WWOX: variants seen among roughly 807,000 people sequenced by gnomAD.
The protein encoded by WWOX is WW domain containing oxidoreductase.
A neutral mutation model predicts 46.2 loss-of-function variants in WWOX; 69 were observed. That is an observed-to-expected ratio of 1.49 (90% CI 1.23 to 1.82). WWOX has a LOEUF of 1.82. Among genes scored for constraint, WWOX ranks in the 40% most tolerant of loss-of-function variants. WWOX has a pLI of 0.00. For missense variants in WWOX, 919 were observed against 542.6 expected, an observed-to-expected ratio of 1.69 and a Z score of -6.89; for synonymous variants, 359 against 202.6, an observed-to-expected ratio of 1.77 and a Z score of -6.56.
chr16:79,119,869 G>A (rs951058056), intron 8 of WWOX, among the ~76,000 whole-genome samples: 12 of 152,198 alleles, frequency 7.9e-5, no homozygotes, highest in African/African-American at 2.9e-4. Context: ...GGTTTTATTA[G>A]GGGTTTACCT....
intron 8 of WWOX, among the ~76,000 whole-genome samples, chr16:78,436,288 G>A (rs1200804062): frequency 1.3e-5 from 2 of 152,206 alleles, no homozygotes; most frequent in East Asian, 3.9e-4. Context: ...GACTCAGGGA[G>A]AGGTTTACTG....
chr16:78,483,062 C>G (rs1048051574), intron 8 of WWOX, among the ~76,000 whole-genome samples: 1 of 152,178 alleles, frequency 6.6e-6, no homozygotes, highest in Non-Finnish European at 1.5e-5. Context: ...GCCTCTTCAA[C>G]CTACCTTTTG....
chr16:78,256,786 C>T (rs534110388), intron 5 of WWOX, among the ~76,000 whole-genome samples: 27 of 152,196 alleles, frequency 1.8e-4, no homozygotes, highest in East Asian at 9.7e-4. Flanking sequence ...TTGCCTCAGA[C>T]GCCCCCCTTT....
intron 5 of WWOX, among the ~76,000 whole-genome samples, chr16:78,243,073 C>G (rs1474279686): frequency 6.6e-6 from 1 of 152,154 alleles, no homozygotes; most frequent in African/African-American, 2.4e-5. Flanking sequence ...CTAGCCTCCT[C>G]TCACCCAGGT....
At chr16:79,191,304 C>T (rs184920145) in intron 8 of WWOX, among the ~76,000 whole-genome samples, 119 of 152,294 alleles carry the variant, frequency 7.8e-4, no homozygotes, top group African/African-American at 2.8e-3. Flanking sequence ...AATCTGCCCG[C>T]CTCTGCCTCC....
chr16:78,840,271 A>T (rs2052102498), intron 8 of WWOX, among the ~76,000 whole-genome samples: 1 of 152,184 alleles, frequency 6.6e-6, no homozygotes, highest in South Asian at 2.1e-4. Flanking sequence ...CAAAATCCTG[A>T]ACCTCTCTGT....
chr16:78,636,213 G>A (rs1327130129), intron 8 of WWOX, among the ~76,000 whole-genome samples: 1 of 152,180 alleles, frequency 6.6e-6, no homozygotes, highest in African/African-American at 2.4e-5. Context: ...TTAGAGACCA[G>A]GTTAAAGCTT....
intron 8 of WWOX, chr16:78,890,378 A>T (rs931662387): frequency 6.6e-6 from 1 of 152,180 alleles, no homozygotes; most frequent in Non-Finnish European, 1.5e-5. Context: ...CTTAAATTTG[A>T]CCTCCATCAT....
At chr16:78,258,881 A>G (rs1164841474) in intron 5 of WWOX, among the ~76,000 whole-genome samples, 1 of 151,880 alleles carries the variant, frequency 6.6e-6, no homozygotes, top group Non-Finnish European at 1.5e-5. Flanking sequence ...TCATTATCAC[A>G]CTCCACAAAT....
In WWOX at chr16:78,354,098, T is replaced by A. The variant is rs2081236645; in HGVS notation, c.517-32762T>A. Among the ~76,000 whole-genome samples, 2 of 152,216 alleles carry A rather than the reference T, an allele frequency of 1.3e-5. 1 individual carries two copies. The highest frequency in any genetic ancestry group is 2.9e-5 in the Non-Finnish European group (2 of 68,046). ...ATTCCTGGATGTTTTCCAGAAAGGC[T>A]GTTTGCAGTAGTTCCAGTGGGTTCA... On this transcript the variant is annotated intron_variant, in intron 5 of 8. Coordinates refer to ENST00000566780, the MANE Select transcript of WWOX (RefSeq NM_016373.4).
At chr16:79,206,417 T>C (rs112288902) in intron 8 of WWOX, 1 of 152,170 alleles carries the variant, frequency 6.6e-6, no homozygotes, top group African/African-American at 2.4e-5. Context: ...TTTGGACGAG[T>C]TGCTTTTGAT....
chr16:78,861,192 T>C (rs2043878117), intron 8 of WWOX, among the ~76,000 whole-genome samples: 1 of 152,130 alleles, frequency 6.6e-6, no homozygotes, highest in Admixed American at 6.6e-5. Context: ...CTTTCCTTTT[T>C]TCCTTCTCTG....
At chr16:78,217,536 C>G (rs982081494) in intron 5 of WWOX, among the ~76,000 whole-genome samples, 1 of 152,204 alleles carries the variant, frequency 6.6e-6, no homozygotes. Context: ...GTGATCCTGC[C>G]GATGAGATGA....
chr16:78,902,630 C>A (rs13338111), intron 8 of WWOX, among the ~76,000 whole-genome samples: 2 of 152,164 alleles, frequency 1.3e-5, no homozygotes, highest in African/African-American at 4.8e-5. Flanking sequence ...TTGGCTGCAA[C>A]GCTTTTACCA....
chr16:78,947,101 G>GAA (rs368991628), intron 8 of WWOX, among the ~76,000 whole-genome samples: 11 of 134,874 alleles, frequency 8.2e-5, no homozygotes, highest in African/African-American at 2.7e-4. Flanking sequence ...AATCCCTGTG[G>GAA]AAAAAAAAAA....
chr16:78,584,676 C>A (rs755405905), intron 8 of WWOX, among the ~76,000 whole-genome samples: 1 of 152,104 alleles, frequency 6.6e-6, no homozygotes, highest in Non-Finnish European at 1.5e-5. Flanking sequence ...GAAAAGCAGG[C>A]AGGAATTTTC....
At chr16:78,732,052 A>C (rs565703506) in intron 8 of WWOX, among the ~76,000 whole-genome samples, 1 of 151,926 alleles carries the variant, frequency 6.6e-6, no homozygotes, top group East Asian at 1.9e-4. Flanking sequence ...TTTGTAGAGA[A>C]AGGGTCTTGC....
chr16:79,190,315 G>A (rs531186174), intron 8 of WWOX, among the ~76,000 whole-genome samples: 20 of 152,184 alleles, frequency 1.3e-4, no homozygotes, highest in African/African-American at 3.6e-4. Context: ...GTGAGCCACC[G>A]TGCCCGGCCT....
chr16:78,513,413 A>C (rs1455071929), intron 8 of WWOX, among the ~76,000 whole-genome samples: 2 of 152,212 alleles, frequency 1.3e-5, no homozygotes, highest in African/African-American at 2.4e-5. Flanking sequence ...TGGGGGAATC[A>C]GTGAGGCTAG....
Sources: gnomAD v4.1 joint callset for allele counts (sites outside exome capture counted in the v4.1 genomes callset) on GRCh38, gnomAD v4.1.1 for gene constraint, MANE v1.5 for transcripts, NCBI Gene and HGNC (gene_info 2026-07-23, HGNC 2026-07-21) for gene names.